KCNQ5: variants seen among roughly 807,000 people sequenced by gnomAD.
KCNQ5 encodes the protein potassium voltage-gated channel subfamily Q member 5.
Under a neutral mutation model 98.2 loss-of-function variants are expected in KCNQ5, and 30 were observed. That is an observed-to-expected ratio of 0.31 (90% CI 0.23 to 0.41). KCNQ5 has a LOEUF of 0.41. Ranked by LOEUF, KCNQ5 falls within the 10% of genes least tolerant of loss-of-function variation. KCNQ5 has a pLI of 1.00. For missense variants in KCNQ5, 835 were observed against 1,182.5 expected, an observed-to-expected ratio of 0.71 and a Z score of 4.31; for synonymous variants, 458 against 449.4, an observed-to-expected ratio of 1.02 and a Z score of -0.24.
At chr6:72,658,405 C>A (rs1766305790) in intron 1 of KCNQ5, among the ~76,000 whole-genome samples, 1 of 150,684 alleles carries the variant, frequency 6.6e-6, no homozygotes, top group African/African-American at 2.4e-5. Flanking sequence ...CTCAGCCTCC[C>A]AAGTAGCTGG....
chr6:73,168,546 T>C (rs1237652052), intron 10 of KCNQ5, among the ~76,000 whole-genome samples: 1 of 152,014 alleles, frequency 6.6e-6, no homozygotes, highest in Admixed American at 6.6e-5. Context: ...CTACTAAAAA[T>C]ACAAAAATTG....
intron 1 of KCNQ5, among the ~76,000 whole-genome samples, chr6:72,839,178 G>C (rs894977978): frequency 3.3e-5 from 5 of 151,934 alleles, no homozygotes; most frequent in African/African-American, 1.2e-4. Flanking sequence ...CAACCATACA[G>C]TTCTTGTGTG....
chr6:72,985,017 C>G (rs1768694181), intron 1 of KCNQ5, among the ~76,000 whole-genome samples: 1 of 152,134 alleles, frequency 6.6e-6, no homozygotes, highest in Non-Finnish European at 1.5e-5. Flanking sequence ...CCAGCCTGGG[C>G]AACAAAGTGA....
At chr6:72,676,531 A>T (rs1365705836) in intron 1 of KCNQ5, among the ~76,000 whole-genome samples, 3 of 152,294 alleles carry the variant, frequency 2.0e-5, no homozygotes, top group African/African-American at 7.2e-5. Context: ...TAAGCATCCT[A>T]AATTGAGAAA....
At chr6:73,100,746 A>G (rs932418471) in intron 5 of KCNQ5, among the ~76,000 whole-genome samples, 1 of 152,026 alleles carries the variant, frequency 6.6e-6, no homozygotes, top group Non-Finnish European at 1.5e-5. Context: ...AAACTTAGCC[A>G]GACTAAGAAA....
chr6:73,157,696 G>C, intron 10 of KCNQ5: 1 of 776,214 alleles, frequency 1.3e-6, no homozygotes. Context: ...CTCTGGGCAT[G>C]CAGGCATCAG....
chr6:72,722,900 A>AGT (rs1770049969), intron 1 of KCNQ5, among the ~76,000 whole-genome samples: 1 of 135,862 alleles, frequency 7.4e-6, no homozygotes, highest in Admixed American at 7.9e-5. Flanking sequence ...CCCAGGCTGG[A>AGT]GTGTAGTGGC....
At chr6:73,094,028 T>C (rs1371147535) in intron 5 of KCNQ5, among the ~76,000 whole-genome samples, 1 of 152,174 alleles carries the variant, frequency 6.6e-6, no homozygotes, top group Non-Finnish European at 1.5e-5. Flanking sequence ...TATTATTATG[T>C]TGCCACCTGT....
intron 1 of KCNQ5, among the ~76,000 whole-genome samples, chr6:72,738,630 T>A (rs1204080713): frequency 2.0e-5 from 3 of 151,980 alleles, no homozygotes; most frequent in Admixed American, 1.3e-4. Flanking sequence ...GAAAAAAAAA[T>A]TTAAGAAATT....
At chr6:72,643,300 G>A (rs1268369510) in intron 1 of KCNQ5, among the ~76,000 whole-genome samples, 1 of 152,068 alleles carries the variant, frequency 6.6e-6, no homozygotes, top group Non-Finnish European at 1.5e-5. Flanking sequence ...ATGGAGATTT[G>A]TACACAAACA....
chr6:72,631,045 G>A (rs766637819), intron 1 of KCNQ5, among the ~76,000 whole-genome samples: 1 of 152,202 alleles, frequency 6.6e-6, no homozygotes, highest in Non-Finnish European at 1.5e-5. Flanking sequence ...TGACAATAGA[G>A]TTGAAATGTA....
At chr6:72,719,257 A>ATGC (rs1769821995) in intron 1 of KCNQ5, among the ~76,000 whole-genome samples, 1 of 152,192 alleles carries the variant, frequency 6.6e-6, no homozygotes, top group Admixed American at 6.5e-5. Flanking sequence ...AAGACTGACA[A>ATGC]TGCTCATTGA....
chr6:72,691,936 G>A (rs1460633405), intron 1 of KCNQ5, among the ~76,000 whole-genome samples: 2 of 152,212 alleles, frequency 1.3e-5, no homozygotes, highest in Admixed American at 6.5e-5. Flanking sequence ...ACAACTTGTA[G>A]TGTGCAGGGT....
chr6:72,832,589 T>C (rs1038576541), intron 1 of KCNQ5, among the ~76,000 whole-genome samples: 9 of 152,146 alleles, frequency 5.9e-5, no homozygotes, highest in Admixed American at 3.9e-4. Flanking sequence ...CAGTGTCTTG[T>C]TTAGTCAAGC....
chr6:73,112,438 T>C (rs6453639), intron 7 of KCNQ5, among the ~76,000 whole-genome samples: 144,690 of 151,236 alleles, frequency 0.96, 69,207 homozygotes, highest in South Asian at 0.98. Flanking sequence ...CTCCGCCTCC[T>C]GGGTTCACGC....
intron 1 of KCNQ5, among the ~76,000 whole-genome samples, chr6:72,701,604 G>T (rs1768811754): frequency 6.6e-6 from 1 of 151,980 alleles, no homozygotes; most frequent in Non-Finnish European, 1.5e-5. Flanking sequence ...TTAGAGTTGG[G>T]GGTCTCATTC....
chr6:72,674,591 G>A (rs1340680950), intron 1 of KCNQ5, among the ~76,000 whole-genome samples: 1 of 152,148 alleles, frequency 6.6e-6, no homozygotes, highest in Non-Finnish European at 1.5e-5. Flanking sequence ...CCAACGTGGT[G>A]AAACCCCGTC....
At chr6:72,944,972 T>A (rs1160308269) in intron 1 of KCNQ5, among the ~76,000 whole-genome samples, 1 of 152,216 alleles carries the variant, frequency 6.6e-6, no homozygotes, top group Non-Finnish European at 1.5e-5. Flanking sequence ...AGAATTTGAT[T>A]CTTATTCCCT....
intron 10 of KCNQ5, among the ~76,000 whole-genome samples, chr6:73,150,020 A>C (rs553963325): frequency 6.7e-6 from 1 of 149,602 alleles, no homozygotes; most frequent in South Asian, 2.1e-4. Context: ...AAAAAAAAAA[A>C]CACCAGTTGA....
Sources: gnomAD v4.1 joint callset for allele counts (sites outside exome capture counted in the v4.1 genomes callset) on GRCh38, gnomAD v4.1.1 for gene constraint, MANE v1.5 for transcripts, NCBI Gene and HGNC (gene_info 2026-07-23, HGNC 2026-07-21) for gene names.